Variants in SCUBE1 observed in about 807,000 individuals in gnomAD.
SCUBE1 encodes the protein signal peptide, CUB and EGF-like domain-containing protein 1.
In SCUBE1, 59 loss-of-function variants were observed where a neutral mutation model predicts 124.4. The observed-to-expected ratio is 0.47, with a 90% CI of 0.38 to 0.59. The LOEUF is 0.59. Ranked by LOEUF, SCUBE1 falls within the 20% of genes least tolerant of loss-of-function variation. The pLI, the probability that SCUBE1 is intolerant of heterozygous loss-of-function variation, is 0.00. For synonymous variants in SCUBE1, 545 were observed against 550.9 expected (o/e 0.99, Z 0.15); for missense variants, 1,150 against 1,371.2 (o/e 0.84, Z 2.55).
chr22:43,267,689 G>A (rs1256083993), intron 4 of SCUBE1, among the ~76,000 whole-genome samples: 2 of 152,196 alleles, frequency 1.3e-5, no homozygotes, highest in African/African-American at 4.8e-5. Context: ...GCAGGCTGGG[G>A]CAGGGATAAG....
At chr22:43,327,615 G>A (rs1926769591) in intron 2 of SCUBE1, among the ~76,000 whole-genome samples, 1 of 152,014 alleles carries the variant, frequency 6.6e-6, no homozygotes, top group African/African-American at 2.4e-5. Context: ...GTGAAACCCT[G>A]TCTCTACTAA....
At chr22:43,207,264 G>A (rs1318308183) in intron 21 of SCUBE1, among the ~76,000 whole-genome samples, 1 of 152,192 alleles carries the variant, frequency 6.6e-6, no homozygotes, top group Non-Finnish European at 1.5e-5. Context: ...GTGAGCTGGT[G>A]AGGAATGTGC....
intron 4 of SCUBE1, among the ~76,000 whole-genome samples, chr22:43,280,285 C>A (rs1292109501): frequency 1.3e-5 from 2 of 152,032 alleles, no homozygotes; most frequent in Non-Finnish European, 1.5e-5. Context: ...AAATATTCCC[C>A]ACCTATGTGA....
chr22:43,258,441 A>C lies in SCUBE1; in HGVS notation c.611-106T>G. ...TCAGGGTATGGGGAAACTGAGGCCTAAGGGCATCAGTGGGTAGGGTCATGA... is the reference window on the plus strand; with the variant it reads ...TCAGGGTATGGGGAAACTGAGGCCTCAGGGCATCAGTGGGTAGGGTCATGA... On this transcript the variant is annotated intron_variant, in intron 5 of 21. Coordinates refer to ENST00000360835, the MANE Select transcript of SCUBE1 (RefSeq NM_173050.5). This position sits in a 1 kb window ranked among gnomAD's most constrained non-coding sequence, Gnocchi z 5.0. 1.2e-6 allele frequency: 1 copy of C among 818,888 alleles called. No individual in the cohort carries two copies. Among genetic ancestry groups the C allele is most frequent in the Non-Finnish European group, 2.1e-6 (1 of 469,454 alleles). The allele number at this position is 818,888 out of a possible 1,614,324, so 50.7% of individuals were successfully genotyped here. A position where few individuals can be genotyped will look rare whatever the true frequency, so the allele number is the denominator to read the frequency against.
At position 43,278,462 on chromosome 22, in the gene SCUBE1, G is replaced by C. The variant is rs368933448; in HGVS notation, c.484+12584C>G. On this transcript the variant is annotated intron_variant, in intron 4 of 21. Transcript: ENST00000360835. ...TCACAGTTGATAATGGAAAGCCCTG[G>C]AACAGGGCAGGGGATGTCTCTGGCC... Among the ~76,000 whole-genome samples, 4 of 152,260 alleles carry C rather than the reference G, an allele frequency of 2.6e-5. No individual in the cohort carries two copies. The South Asian group carries it at 8.3e-4, about 32-fold the overall frequency.
intron 6 of SCUBE1, among the ~76,000 whole-genome samples, chr22:43,243,709 C>T (rs1757663246): frequency 6.6e-6 from 1 of 152,226 alleles, no homozygotes; most frequent in African/African-American, 2.4e-5. Flanking sequence ...GCTGTGTGAC[C>T]CCGGGCAAGT....
intron 3 of SCUBE1, 102 bp from the exon 4 acceptor site, chr22:43,291,282 C>A: frequency 7.5e-7 from 1 of 1,327,876 alleles, no homozygotes; most frequent in South Asian, 1.3e-5. Context: ...CCTCACATGG[C>A]CCTGAAGGGA....
At chr22:43,324,604 CA>C (rs1477966422) in intron 2 of SCUBE1, among the ~76,000 whole-genome samples, 4 of 151,938 alleles carry the variant, frequency 2.6e-5, no homozygotes, top group Non-Finnish European at 4.4e-5. Context: ...ACAAACAAAC[CA>C]GCTAAAAAAA....
intron 15 of SCUBE1, among the ~76,000 whole-genome samples, chr22:43,216,589 T>G (rs1921820476): frequency 6.6e-6 from 1 of 151,786 alleles, no homozygotes; most frequent in South Asian, 2.1e-4. Context: ...GGAGGCAGAG[T>G]TGCGGTGAGC....
intron 3 of SCUBE1, 128 bp from the exon 4 acceptor site, chr22:43,291,308 GCCTCCCT>G (rs1441139199): frequency 1.8e-5 from 18 of 994,160 alleles, no homozygotes; most frequent in Middle Eastern, 2.5e-4. Flanking sequence ...TCCAGAGAGG[GCCTCCCT>G]GGTGCTGTGT....
chr22:43,273,839 C>T (rs1379075346), intron 4 of SCUBE1, among the ~76,000 whole-genome samples: 1 of 152,096 alleles, frequency 6.6e-6, no homozygotes, highest in Non-Finnish European at 1.5e-5. Context: ...TCCCAAAGTG[C>T]TGGGATTACA....
chr22:43,198,172 A>G lies in SCUBE1; in HGVS notation c.*5825T>C. On this transcript the variant is annotated 3_prime_UTR_variant, in exon 22 of 22. Transcript: ENST00000360835. ...GGAATGTGTGGATATTAGAGGGTTG[A>G]GCCCAGAGCCTGGCACCCAGTGGGC... 1 of 244,530 alleles carries G rather than the reference A, an allele frequency of 4.1e-6. No individual in the cohort carries two copies. Among genetic ancestry groups the G allele is most frequent in the South Asian group, 5.0e-5 (1 of 19,814 alleles). The allele number at this position is 244,530 out of a possible 1,614,324, so 15.1% of individuals were successfully genotyped here.
intron 7 of SCUBE1, 61 bp from the exon 8 acceptor site, chr22:43,231,936 G>C (rs1019934740): frequency 2.5e-6 from 4 of 1,591,208 alleles, no homozygotes; most frequent in South Asian, 1.1e-5. Context: ...TGTGACCAGC[G>C]GGGGGACGGC....
intron 8 of SCUBE1, among the ~76,000 whole-genome samples, chr22:43,231,366 C>T (rs1182268600): frequency 6.6e-6 from 1 of 152,216 alleles, no homozygotes; most frequent in Non-Finnish European, 1.5e-5. Context: ...TTGTTCCCAG[C>T]AGGTGAGGAT....
chr22:43,285,347 C>T (rs1000533415), intron 4 of SCUBE1, among the ~76,000 whole-genome samples: 1 of 152,230 alleles, frequency 6.6e-6, no homozygotes, highest in Admixed American at 6.5e-5. Context: ...CCCATCCTGG[C>T]TCTGCCCACG....
intron 3 of SCUBE1, 88 bp from the exon 4 acceptor site, chr22:43,291,268 AT>A: frequency 7.1e-7 from 1 of 1,407,088 alleles, no homozygotes; most frequent in South Asian, 1.3e-5. Context: ...GATGCAGTGA[AT>A]TTCCTCACAT....
At chr22:43,297,625 G>A (rs910899252) in intron 3 of SCUBE1, among the ~76,000 whole-genome samples, 2 of 152,264 alleles carry the variant, frequency 1.3e-5, no homozygotes, top group Admixed American at 1.3e-4. Flanking sequence ...GCCATAGGTT[G>A]ACCCGCTTCC....
Position 43,203,254 on chromosome 22 carries a change from G to C in SCUBE1, c.*743C>G, listed in dbSNP as rs969641187. The C allele has an allele frequency of 6.6e-6, 1 of 152,086 alleles. No individual in the cohort carries two copies. Among genetic ancestry groups the C allele is most frequent in the Non-Finnish European group, 1.5e-5 (1 of 68,042 alleles). The allele number at this position is 152,086 out of a possible 1,614,324, so 9.4% of individuals were successfully genotyped here. On this transcript the variant is annotated 3_prime_UTR_variant, in exon 22 of 22. Transcript: ENST00000360835. ...GAGGAGCTGTTTAATCGTTCAGGGA[G>C]GCTGATAGCTGCTGGGACTCACTGG...
At chr22:43,335,980 T>G (rs958219007) in intron 2 of SCUBE1, among the ~76,000 whole-genome samples, 6 of 151,676 alleles carry the variant, frequency 4.0e-5, no homozygotes, top group Non-Finnish European at 7.4e-5. Flanking sequence ...ATGATGATGG[T>G]GATGATGATG....
Sources: gnomAD v4.1 joint callset for allele counts (sites outside exome capture counted in the v4.1 genomes callset) on GRCh38, gnomAD v4.1.1 for gene constraint, Gnocchi (gnomAD v3.1) non-coding constraint, MANE v1.5 for transcripts, NCBI Gene and HGNC (gene_info 2026-07-23, HGNC 2026-07-21) for gene names.